NAA25: variants seen among roughly 807,000 people sequenced by gnomAD.
NAA25 encodes N-alpha-acetyltransferase 25, NatB auxiliary subunit.
NAA25 carries 30 observed loss-of-function variants against 132.5 expected under a neutral mutation model. The ratio of observed to expected loss-of-function variants is 0.23; its 90% CI spans 0.17 to 0.31. The LOEUF (loss-of-function observed/expected upper bound fraction) is 0.31. Among genes scored for constraint, NAA25 ranks in the 10% least tolerant of loss-of-function variants. NAA25 has a pLI of 1.00. For synonymous variants in NAA25, 359 were observed against 401.9 expected, an observed-to-expected ratio of 0.89 and a Z score of 1.28; for missense variants, 771 against 1,150.4, an observed-to-expected ratio of 0.67 and a Z score of 4.77.
chr12:112,044,648 C>T lies in NAA25; in HGVS notation c.2007-780G>A, dbSNP rs200167727. Among the ~76,000 whole-genome samples the T allele has an allele frequency of 1.3e-4, 19 of 150,572 alleles. No homozygotes were observed. The East Asian group carries it at 1.4e-3, about 11-fold the overall frequency. ...TTGCACCACTGCACTCCAGCCTGGGCGACAGAGCAAGACTCCATCTCAAAA... is the reference window on the plus strand; with the variant it reads ...TTGCACCACTGCACTCCAGCCTGGGTGACAGAGCAAGACTCCATCTCAAAA... On this transcript the variant is annotated intron_variant, in intron 17 of 23. Coordinates refer to ENST00000261745, the MANE Select transcript of NAA25 (RefSeq NM_024953.4).
intron 13 of NAA25, among the ~76,000 whole-genome samples, chr12:112,059,699 G>A (rs2078597128): frequency 6.6e-6 from 1 of 151,804 alleles, no homozygotes; most frequent in African/African-American, 2.4e-5. Context: ...TTGTAGCTTT[G>A]TCATAGTATT....
At chr12:112,083,789 C>A (rs1048576273) in intron 4 of NAA25, among the ~76,000 whole-genome samples, 1 of 152,152 alleles carries the variant, frequency 6.6e-6, no homozygotes, top group Non-Finnish European at 1.5e-5. Flanking sequence ...AATCCCTGCA[C>A]TTTGGGAAGC....
intron 1 of NAA25, among the ~76,000 whole-genome samples, chr12:112,107,550 A>C (rs1453080787): frequency 6.6e-6 from 1 of 151,640 alleles, no homozygotes; most frequent in Non-Finnish European, 1.5e-5. Flanking sequence ...TGTTGCTAAA[A>C]TCAAATGAGA....
intron 1 of NAA25, among the ~76,000 whole-genome samples, chr12:112,105,231 A>G (rs2079345304): frequency 1.3e-5 from 2 of 151,674 alleles, no homozygotes; most frequent in Non-Finnish European, 2.9e-5. Context: ...AGGTGGATGG[A>G]TGACTTGAGC....
chr12:112,090,665 A>G (rs2079115723), intron 3 of NAA25, 61 bp downstream of exon 3: 2 of 1,550,610 alleles, frequency 1.3e-6, no homozygotes, highest in South Asian at 1.2e-5. Context: ...AAGGGCAAAC[A>G]GTCAGAAATA....
intron 5 of NAA25, among the ~76,000 whole-genome samples, chr12:112,080,805 T>G (rs1209870823): frequency 6.6e-6 from 1 of 152,034 alleles, no homozygotes; most frequent in Non-Finnish European, 1.5e-5. Context: ...GACCAAAAAA[T>G]AAATTTTTTT....
intron 22 of NAA25, 92 bp downstream of exon 22, chr12:112,039,137 C>T (rs1418263929): frequency 1.4e-6 from 1 of 703,248 alleles, no homozygotes; most frequent in South Asian, 2.5e-5. Flanking sequence ...CATATAGGAT[C>T]CTAAGGACTC....
intron 13 of NAA25, among the ~76,000 whole-genome samples, chr12:112,059,075 C>CAAAAAAAAAAAAAAAAAAAAAAAAAAAA (rs530305102): frequency 1.6e-5 from 1 of 63,236 alleles, no homozygotes; most frequent in Non-Finnish European, 3.9e-5. Context: ...CTCCATCTCA[C>CAAAAAAAAAAAAAAAAAAAAAAAAAAAA]AAAAAAAAAA....
At position 112,090,739 on chromosome 12, in the gene NAA25, C is replaced by T. The variant is rs200556588; in HGVS notation, c.270G>A (p.Arg90=). 170 of 1,611,702 alleles carry T rather than the reference C, an allele frequency of 1.1e-4. No homozygotes were observed. The highest frequency in any genetic ancestry group is 6.8e-6 in the Non-Finnish European group (8 of 1,179,388). The change falls in exon 3 of 24, where the codon CGG becomes CGA. Residue 90 remains arginine, a synonymous_variant. Coordinates refer to ENST00000261745, the MANE Select transcript of NAA25 (RefSeq NM_024953.4). ...AAAGAAACATACGTCGGTGCATCTC[C>T]CGGTAAAGGATAGTCAGTGCCTGCA... The part of the protein sequence containing the change: ...NSLQALTILY[R]EMHRPELVTK...
At chr12:112,088,144 C>T (rs2079080930) in intron 3 of NAA25, among the ~76,000 whole-genome samples, 1 of 152,126 alleles carries the variant, frequency 6.6e-6, no homozygotes, top group Admixed American at 6.6e-5. Context: ...ACTCTTCGCT[C>T]TGCCTGAATT....
intron 15 of NAA25, 138 bp from the exon 16 acceptor site, chr12:112,048,581 GAAT>G: frequency 1.5e-6 from 1 of 666,092 alleles, no homozygotes; most frequent in South Asian, 2.1e-5. Context: ...TCACCAAGTA[GAAT>G]ATTAGCTTTT....
At chr12:112,037,285 T>A (rs1432170029) in intron 22 of NAA25, among the ~76,000 whole-genome samples, 2 of 75,462 alleles carry the variant, frequency 2.7e-5, no homozygotes, top group Non-Finnish European at 5.0e-5. Context: ...CATATATATA[T>A]ATATATATAT....
intron 7 of NAA25, among the ~76,000 whole-genome samples, chr12:112,076,095 C>CTGGTCTT (rs1404036377): frequency 3.9e-5 from 6 of 152,110 alleles, no homozygotes; most frequent in Non-Finnish European, 8.8e-5. Flanking sequence ...GTTGGCCAGG[C>CTGGTCTT]TGGTCTTAAA....
chr12:112,041,226 C>T (rs770503248), intron 20 of NAA25, among the ~76,000 whole-genome samples: 1 of 150,100 alleles, frequency 6.7e-6, no homozygotes, highest in Non-Finnish European at 1.5e-5. Context: ...CTCGCTCTGT[C>T]GCCCAGGCTG....
rs189908780 is a variant in NAA25, at chr12:112,064,990, C to T, written c.1150-3602G>A. Among the ~76,000 whole-genome samples the T allele has an allele frequency of 8.9e-3, 1,350 of 151,940 alleles. 66 individuals carry two copies. The highest frequency in any genetic ancestry group is 0.079 in the Admixed American group (1,211 of 15,236). On this transcript the variant is annotated intron_variant, in intron 11 of 23. Transcript: ENST00000261745. ...TGGAGGTTGCAGTGAGCCGAAATCGCGCCATTGCACTCTAGCCTGGGCAAG... is the reference window on the plus strand; with the variant it reads ...TGGAGGTTGCAGTGAGCCGAAATCGTGCCATTGCACTCTAGCCTGGGCAAG...
At chr12:112,050,880 A>G (rs917580679) in intron 15 of NAA25, among the ~76,000 whole-genome samples, 1 of 152,198 alleles carries the variant, frequency 6.6e-6, no homozygotes, top group Non-Finnish European at 1.5e-5. Flanking sequence ...TTTCAATCCC[A>G]TAGCACAAAA....
In NAA25 at chr12:112,059,810, G is replaced by GTT. The variant is rs35524293; in HGVS notation, c.1447+458_1447+459dup. 3.2e-3 allele frequency among the ~76,000 whole-genome samples: 450 copies of GTT among 140,882 alleles called. 6 individuals carry two copies. Among genetic ancestry groups the GTT allele is most frequent in the African/African-American group, 8.7e-3 (338 of 38,640 alleles). 92.4% of individuals were successfully genotyped at this position (140,882 alleles called of 152,430 possible). A position where few individuals can be genotyped will look rare whatever the true frequency, so the allele number is the denominator to read the frequency against. The stretch of plus-strand genomic sequence containing the variant: ...TTACAAGGGGATAAACTGGAGACAG[G>GTT]TTTTTTTTTTTTTTTGAGACGGAGT... On this transcript the variant is annotated intron_variant, in intron 13 of 23. Coordinates refer to ENST00000261745, the MANE Select transcript of NAA25 (RefSeq NM_024953.4).
chr12:112,046,294 G>A (rs540379927), intron 17 of NAA25, among the ~76,000 whole-genome samples: 1 of 152,214 alleles, frequency 6.6e-6, no homozygotes, highest in African/African-American at 2.4e-5. Context: ...CTGGAGAAAG[G>A]AGCATACTCA....
At chr12:112,032,487 A>ATCAGCAGTTTAGC (rs1000156362) in intron 23 of NAA25, among the ~76,000 whole-genome samples, 12 of 152,188 alleles carry the variant, frequency 7.9e-5, no homozygotes, top group Non-Finnish European at 1.6e-4. Flanking sequence ...AAATTCCCTC[A>ATCAGCAGTTTAGC]TCAGCAGTTT....
Sources: gnomAD v4.1 joint callset for allele counts (sites outside exome capture counted in the v4.1 genomes callset) on GRCh38, gnomAD v4.1.1 for gene constraint, MANE v1.5 for transcripts, NCBI Gene and HGNC (gene_info 2026-07-23, HGNC 2026-07-21) for gene names.